The following C5orf34 variants were observed in gnomAD, a reference collection of about 807,000 sequenced individuals.
C5orf34 encodes chromosome 5 open reading frame 34.
C5orf34 carries 73 observed loss-of-function variants against 78.4 expected under a neutral mutation model. The ratio of observed to expected loss-of-function variants is 0.93; its 90% confidence interval spans 0.77 to 1.13. C5orf34 has a LOEUF of 1.13. C5orf34 is among the 50% of genes most tolerant of loss of function. C5orf34 has a pLI of 0.00. For synonymous variants in C5orf34, 251 were observed against 246.6 expected (o/e 1.02, Z -0.17); for missense variants, 730 against 732.7 (o/e 1.00, Z 0.04).
chr5:43,487,677 A>G (rs964874290), intron 12 of C5orf34, among the ~76,000 whole-genome samples: 4 of 152,136 alleles, frequency 2.6e-5, no homozygotes, highest in Non-Finnish European at 5.9e-5. Flanking sequence ...CCTTAACCCT[A>G]ATTAACTGTT....
intron 11 of C5orf34, 188 bp downstream of exon 11, chr5:43,490,443 G>A (rs1489264367): frequency 4.6e-6 from 2 of 433,210 alleles, no homozygotes; most frequent in Admixed American, 4.0e-5. Context: ...ATGATGAAAT[G>A]TAATAAATTA....
chr5:43,506,412 A>G lies in C5orf34; in HGVS notation c.286-18T>C, dbSNP rs770201638. On this transcript the variant is annotated intron_variant, in intron 3 of 12. Coordinates refer to ENST00000306862, the MANE Select transcript of C5orf34 (RefSeq NM_198566.4). ...AAGATATGCTGCAAGGAGAGGGGAA[A>G]AGAGACGGTGAGTATTTTCTGTTAA... is the stretch of plus-strand genomic sequence containing the variant. 1.9e-6 allele frequency: 3 copies of G among 1,568,094 alleles called. No homozygotes were observed. The highest frequency in any genetic ancestry group is 8.6e-7 in the Non-Finnish European group (1 of 1,159,986).
At chr5:43,507,684 C>T (rs1746043885) in intron 3 of C5orf34, among the ~76,000 whole-genome samples, 1 of 152,210 alleles carries the variant, frequency 6.6e-6, no homozygotes, top group Non-Finnish European at 1.5e-5. Flanking sequence ...ACAGAGTTTA[C>T]AGAGTCAGAT....
At chr5:43,512,814 T>C (rs13175853) in intron 1 of C5orf34, among the ~76,000 whole-genome samples, 130,100 of 132,988 alleles carry the variant, frequency 0.98, 63,713 homozygotes, top group Middle Eastern at 1. Context: ...GACAGAGTCT[T>C]GCTCTGTTGC....
chr5:43,500,353 G>T (rs1025371576), intron 6 of C5orf34, among the ~76,000 whole-genome samples: 1 of 151,804 alleles, frequency 6.6e-6, no homozygotes, highest in Non-Finnish European at 1.5e-5. Context: ...TATCTTCTGG[G>T]CTTTTGCTTA....
At chr5:43,497,962 G>C (rs75053826) in intron 6 of C5orf34, among the ~76,000 whole-genome samples, 320 of 152,216 alleles carry the variant, frequency 2.1e-3, no homozygotes, top group African/African-American at 7.3e-3. Flanking sequence ...ACCTCCCTTT[G>C]CCTAGCTAAC....
Position 43,486,815 on chromosome 5 carries a change from G to C in C5orf34, c.*100C>G. ...TCAGTTCTTTCACAATCATTGTGCC[G>C]GGGTAATACGTACAATATCTTGGCT... On this transcript the variant is annotated 3_prime_UTR_variant, in exon 13 of 13. Coordinates refer to ENST00000306862, the MANE Select transcript of C5orf34 (RefSeq NM_198566.4). 1.9e-6 allele frequency: 1 copy of C among 521,710 alleles called. No individual in the cohort carries two copies. The highest frequency in any genetic ancestry group is 7.2e-5 in the South Asian group (1 of 13,948). 32.3% of individuals were successfully genotyped at this position (521,710 alleles called of 1,614,324 possible).
intron 1 of C5orf34, among the ~76,000 whole-genome samples, chr5:43,510,057 G>T (rs939505807): frequency 3.9e-5 from 6 of 152,074 alleles, no homozygotes; most frequent in Non-Finnish European, 7.4e-5. Flanking sequence ...CCGGCCTAAA[G>T]AAATTTAATT....
chr5:43,499,797 T>C (rs753749263), intron 6 of C5orf34, among the ~76,000 whole-genome samples: 1 of 152,204 alleles, frequency 6.6e-6, no homozygotes, highest in African/African-American at 2.4e-5. Flanking sequence ...TGCATCGACA[T>C]CTACCTCATT....
At chr5:43,508,320 C>T (rs867041996) in intron 3 of C5orf34, among the ~76,000 whole-genome samples, 16 of 152,182 alleles carry the variant, frequency 1.1e-4, no homozygotes, top group Middle Eastern at 3.4e-3. Flanking sequence ...TTAACAAATA[C>T]GCTGTTACTG....
At chr5:43,493,982 T>C (rs1202721829) in intron 7 of C5orf34, among the ~76,000 whole-genome samples, 1 of 152,168 alleles carries the variant, frequency 6.6e-6, no homozygotes, top group Non-Finnish European at 1.5e-5. Context: ...TTACAGAATA[T>C]GCTTCTTCAA....
chr5:43,490,683 TA>T lies in C5orf34; in HGVS notation c.1626del (p.Ser543ValfsTer34), dbSNP rs1745246111. The T allele has an allele frequency of 4.3e-6, 7 of 1,611,660 alleles. No homozygotes were observed. Among genetic ancestry groups the T allele is most frequent in the Non-Finnish European group, 5.9e-6 (7 of 1,178,118 alleles). On this transcript the variant is annotated frameshift_variant, in exon 11 of 13. Transcript: ENST00000306862. LOFTEE classifies it high-confidence loss of function. Reference protein sequence around the residue: ...VTSWCRRLTQTSPREMPTHSS... With the variant: ...VTSWCRRLTQXSPREMPTHSS... ...GAATGAGTGGGCATCTCTCTGGGAC[TA>T]GTCTGGGTCAGTCTCCTGCACCATG...
intron 10 of C5orf34, 27 bp from the exon 11 acceptor site, chr5:43,490,756 C>A (rs1224152368): frequency 8.4e-7 from 1 of 1,187,630 alleles, no homozygotes; most frequent in Non-Finnish European, 1.2e-6. Context: ...AAAAGAAATA[C>A]TTGAAAAATG....
intron 3 of C5orf34, 127 bp downstream of exon 3, chr5:43,508,450 C>T (rs1395760950): frequency 1.7e-6 from 1 of 601,888 alleles, no homozygotes; most frequent in Non-Finnish European, 3.0e-6. Flanking sequence ...CACTATGTAA[C>T]TTTGATGTTT....
chr5:43,494,455 G>T, intron 7 of C5orf34, 55 bp downstream of exon 7: 3 of 1,119,908 alleles, frequency 2.7e-6, no homozygotes, highest in Non-Finnish European at 3.9e-6. Flanking sequence ...ACAAGAAAAT[G>T]TGCCAAGATG....
chr5:43,506,731 T>C (rs1745999134), intron 3 of C5orf34, among the ~76,000 whole-genome samples: 1 of 151,822 alleles, frequency 6.6e-6, no homozygotes, highest in South Asian at 2.1e-4. Flanking sequence ...AAGTTTACTC[T>C]GAAAAAAAAC....
chr5:43,514,849 G>A lies in C5orf34; in HGVS notation c.-80C>T, dbSNP rs756472648. ...AGTTGCGGAAATGAGGCCCAGCAACGGTCCCTGGCTTTGATTTGCCAAAAT... is the reference window on the plus strand; with the variant it reads ...AGTTGCGGAAATGAGGCCCAGCAACAGTCCCTGGCTTTGATTTGCCAAAAT... On this transcript the variant is annotated 5_prime_UTR_variant, in exon 1 of 13. Transcript: ENST00000306862. 1 of 152,172 alleles carries A rather than the reference G, an allele frequency of 6.6e-6. No individual in the cohort carries two copies. The highest frequency in any genetic ancestry group is 2.4e-5 in the African/African-American group (1 of 41,442). The allele number at this position is 152,172 out of a possible 1,614,324, so 9.4% of individuals were successfully genotyped here.
chr5:43,507,599 G>A (rs1746040188), intron 3 of C5orf34, among the ~76,000 whole-genome samples: 2 of 152,084 alleles, frequency 1.3e-5, no homozygotes, highest in South Asian at 2.1e-4. Flanking sequence ...CCTTTGCCAC[G>A]AGACAATATA....
At chr5:43,488,542 T>TGTC (rs1745149581) in intron 11 of C5orf34, 1 of 152,148 alleles carries the variant, frequency 6.6e-6, no homozygotes, top group Non-Finnish European at 1.5e-5. Context: ...TCCAAGTTTT[T>TGTC]AAATAGTTGA....
Sources: allele counts gnomAD v4.1 joint callset (sites outside exome capture counted in the v4.1 genomes callset), GRCh38; gene constraint gnomAD v4.1.1; transcripts MANE v1.5; gene names NCBI Gene and HGNC (gene_info 2026-07-23, HGNC 2026-07-21).